GMDS: variants seen among roughly 807,000 people sequenced by gnomAD.
GMDS encodes GDP-mannose 4,6 dehydratase.
A neutral mutation model predicts 49.9 loss-of-function variants in GMDS; 20 were observed. That is an observed-to-expected ratio of 0.40 (90% CI 0.28 to 0.58). GMDS has a LOEUF of 0.58. Ranked by LOEUF, GMDS falls within the 20% of genes least tolerant of loss-of-function variation. The pLI is 0.42. For synonymous variants in GMDS, 177 were observed against 178.6 expected, an observed-to-expected ratio of 0.99 and a Z score of 0.07; for missense variants, 362 against 481.4, an observed-to-expected ratio of 0.75 and a Z score of 2.32.
chr6:2,234,041 T>C (rs1351778938), intron 1 of GMDS, among the ~76,000 whole-genome samples: 1 of 152,228 alleles, frequency 6.6e-6, no homozygotes, highest in African/African-American at 2.4e-5. Flanking sequence ...GCACTAGGGA[T>C]ACAGCAGTAA....
intron 7 of GMDS, among the ~76,000 whole-genome samples, chr6:1,832,376 G>A (rs1393878716): frequency 1.3e-5 from 2 of 151,434 alleles, no homozygotes; most frequent in Admixed American, 1.3e-4. Context: ...CTGGGGGACG[G>A]AGTGAGACTC....
In GMDS at chr6:1,817,040, C is replaced by G. The variant is rs1299417617; in HGVS notation, c.772-74454G>C. Among the ~76,000 whole-genome samples the G allele has an allele frequency of 2.0e-5, 3 of 148,784 alleles. No homozygotes were observed. The East Asian group carries it at 5.8e-4, about 29-fold the overall frequency. On this transcript the variant is annotated intron_variant, in intron 7 of 10. Transcript: ENST00000380815. ...CATTAGTAAATTAGCAGTGTCCATA[C>G]CTAAGAAAAGCGGCATGACTAGATA... is the stretch of plus-strand genomic sequence containing the variant.
intron 8 of GMDS, among the ~76,000 whole-genome samples, chr6:1,735,914 CTT>C (rs1182848017): frequency 1.5e-4 from 23 of 152,164 alleles, no homozygotes; most frequent in African/African-American, 5.6e-4. Flanking sequence ...TTTCAATTCT[CTT>C]TGATTAGTTT....
chr6:1,648,641 A>G (rs551010567), intron 9 of GMDS, among the ~76,000 whole-genome samples: 203 of 152,372 alleles, frequency 1.3e-3, no homozygotes, highest in Non-Finnish European at 2.6e-3. Context: ...CTTCTTTGCA[A>G]AGAGAACTGT....
At chr6:2,049,776 C>T (rs1770266138) in intron 4 of GMDS, among the ~76,000 whole-genome samples, 1 of 152,160 alleles carries the variant, frequency 6.6e-6, no homozygotes, top group Admixed American at 6.5e-5. Flanking sequence ...TCCTGAATGA[C>T]CACTGGGTAC....
chr6:2,057,089 G>A (rs779305206), intron 4 of GMDS, among the ~76,000 whole-genome samples: 23 of 152,300 alleles, frequency 1.5e-4, no homozygotes, highest in South Asian at 4.1e-4. Context: ...CAATGTGTTT[G>A]TCAAACTACC....
At chr6:2,005,672 C>A (rs1767117382) in intron 4 of GMDS, among the ~76,000 whole-genome samples, 1 of 152,128 alleles carries the variant, frequency 6.6e-6, no homozygotes, top group Non-Finnish European at 1.5e-5. Context: ...ACTTCTACAC[C>A]CAGTGTGTTC....
In GMDS at chr6:2,245,544, G is replaced by T; in HGVS notation, c.-122C>A. The stretch of plus-strand genomic sequence containing the variant: ...TCTCCAGGCTGCGGGCAGGGAGGGA[G>T]AGCGCACCGCGCGACCGGCCGCCAC... On this transcript the variant is annotated 5_prime_UTR_variant, in exon 1 of 11. Coordinates refer to ENST00000380815, the MANE Select transcript of GMDS (RefSeq NM_001500.4). 2.1e-6 allele frequency: 1 copy of T among 485,636 alleles called. No individual in the cohort carries two copies. The highest frequency in any genetic ancestry group is 3.3e-6 in the Non-Finnish European group (1 of 298,598). The allele number at this position is 485,636 out of a possible 1,614,324, so 30.1% of individuals were successfully genotyped here.
intron 4 of GMDS, among the ~76,000 whole-genome samples, chr6:1,966,141 C>A (rs1225182135): frequency 2.6e-5 from 4 of 152,172 alleles, no homozygotes; most frequent in African/African-American, 9.7e-5. Context: ...ACAGAAGAAG[C>A]TTCCAAACCC....
intron 7 of GMDS, among the ~76,000 whole-genome samples, chr6:1,812,100 C>T (rs572813032): frequency 2.0e-5 from 3 of 152,046 alleles, no homozygotes; most frequent in African/African-American, 4.8e-5. Flanking sequence ...ATAGAAGTAC[C>T]GCAGAGAGAG....
Position 1,847,190 on chromosome 6 carries a change from G to C in GMDS, c.771+82913C>G, listed in dbSNP as rs117761277. ...CCTGCCTAAACCTCCCTAGTAGCTG[G>C]GACTACAGGTACAAGCCACCACGCC... On this transcript the variant is annotated intron_variant, in intron 7 of 10. Coordinates refer to ENST00000380815, the MANE Select transcript of GMDS (RefSeq NM_001500.4). Among the ~76,000 whole-genome samples the C allele has an allele frequency of 2.4e-4, 37 of 151,868 alleles. No individual in the cohort carries two copies. In the East Asian group the frequency reaches 7.2e-3, roughly 29 times the overall value.
intron 4 of GMDS, among the ~76,000 whole-genome samples, chr6:2,109,613 C>A (rs1774432762): frequency 6.6e-6 from 1 of 152,174 alleles, no homozygotes; most frequent in Admixed American, 6.5e-5. Context: ...TGGTGTGGAC[C>A]TGGATATGAA....
chr6:2,200,414 G>A (rs1238151213), intron 1 of GMDS, among the ~76,000 whole-genome samples: 3 of 147,662 alleles, frequency 2.0e-5, no homozygotes, highest in Admixed American at 6.8e-5. Flanking sequence ...ACACCACATG[G>A]ACATCCGAGA....
At chr6:1,683,723 T>TA (rs1764875342) in intron 9 of GMDS, among the ~76,000 whole-genome samples, 2 of 152,224 alleles carry the variant, frequency 1.3e-5, no homozygotes, top group Non-Finnish European at 1.5e-5. Flanking sequence ...GATTTTTAGT[T>TA]AGTTTAGAAA....
At chr6:1,684,617 C>T (rs1421276317) in intron 9 of GMDS, among the ~76,000 whole-genome samples, 2 of 152,114 alleles carry the variant, frequency 1.3e-5, no homozygotes, top group African/African-American at 4.8e-5. Context: ...ATTCCATTTA[C>T]ACAACATTCT....
chr6:2,212,498 T>C (rs1467564043), intron 1 of GMDS, among the ~76,000 whole-genome samples: 2 of 152,186 alleles, frequency 1.3e-5, no homozygotes, highest in African/African-American at 2.4e-5. Flanking sequence ...ATACAAGTTA[T>C]AGGATATTCC....
chr6:1,892,846 TTC>T (rs1435310214), intron 7 of GMDS, among the ~76,000 whole-genome samples: 1 of 152,216 alleles, frequency 6.6e-6, no homozygotes, highest in Non-Finnish European at 1.5e-5. Context: ...TGGACACGCA[TTC>T]TGACTTGCAG....
chr6:2,175,967 G>C (rs531826134), intron 1 of GMDS: 1 of 1,528,788 alleles, frequency 6.5e-7, no homozygotes, highest in Non-Finnish European at 8.8e-7. Flanking sequence ...CAATGGTAAC[G>C]CTCCCAACAA....
intron 6 of GMDS, among the ~76,000 whole-genome samples, chr6:1,944,688 A>T (rs928095595): frequency 2.2e-5 from 3 of 137,824 alleles, no homozygotes; most frequent in Admixed American, 7.5e-5. Context: ...AAAAAAAAAA[A>T]AAAAAATTTC....
Sources: gnomAD v4.1 joint callset for allele counts (sites outside exome capture counted in the v4.1 genomes callset) on GRCh38, gnomAD v4.1.1 for gene constraint, MANE v1.5 for transcripts, NCBI Gene and HGNC (gene_info 2026-07-23, HGNC 2026-07-21) for gene names.